Variants in ADAMTS6 observed in about 807,000 individuals in gnomAD.
The protein encoded by ADAMTS6 is A disintegrin and metalloproteinase with thrombospondin motifs 6.
In ADAMTS6, 23 loss-of-function variants were observed where a neutral mutation model predicts 144.3. That is an observed-to-expected ratio of 0.16 (90% CI 0.11 to 0.23). The LOEUF is 0.23. Ranked by LOEUF, ADAMTS6 falls within the 10% of genes least tolerant of loss-of-function variation. The pLI is 1.00. For missense variants in ADAMTS6, 999 were observed against 1,379.6 expected (o/e 0.72, Z 4.37); for synonymous variants, 444 against 457.5 (o/e 0.97, Z 0.38).
At position 65,452,749 on chromosome 5, in the gene ADAMTS6, G is replaced by A; in HGVS notation, c.801C>T (p.Gly267=). 1.9e-6 allele frequency: 3 copies of A among 1,614,068 alleles called. No homozygotes were observed. Among genetic ancestry groups the A allele is most frequent in the Non-Finnish European group, 1.7e-6 (2 of 1,179,958 alleles). The change falls in exon 5 of 25, where the codon GGC becomes GGT. Residue 267 remains glycine, a synonymous_variant. Coordinates refer to ENST00000381055, the MANE Select transcript of ADAMTS6 (RefSeq NM_197941.4). ...VADKMMVGYH[G]RKDIEHYILS... The stretch of plus-strand genomic sequence containing the variant: ...AAATGTAATGTTCAATGTCTTTGCG[G>A]CCATGGTAGCCCACCATCATTTTGT...
At chr5:65,465,033 G>T (rs1228193348) in intron 3 of ADAMTS6, among the ~76,000 whole-genome samples, 1 of 152,158 alleles carries the variant, frequency 6.6e-6, no homozygotes, top group Non-Finnish European at 1.5e-5. Flanking sequence ...ATTCAACTTT[G>T]CTGGGCCTGC....
intron 12 of ADAMTS6, among the ~76,000 whole-genome samples, chr5:65,273,138 A>G (rs545565905): frequency 2.0e-4 from 30 of 152,324 alleles, no homozygotes; most frequent in African/African-American, 6.7e-4. Flanking sequence ...ACTGACCTAA[A>G]ATAGACTTAC....
intron 7 of ADAMTS6, among the ~76,000 whole-genome samples, chr5:65,418,528 G>C (rs1755740911): frequency 1.3e-5 from 2 of 152,086 alleles, no homozygotes; most frequent in Non-Finnish European, 2.9e-5. Flanking sequence ...AATCTTCCAA[G>C]TACCCCATGT....
intron 18 of ADAMTS6, among the ~76,000 whole-genome samples, chr5:65,223,970 T>C (rs1423790099): frequency 5.3e-5 from 8 of 151,920 alleles, no homozygotes; most frequent in Admixed American, 2.0e-4. Flanking sequence ...CAGCTAATTT[T>C]TCTGTATTTT....
At chr5:65,186,299 TA>T (rs1376750049) in intron 22 of ADAMTS6, among the ~76,000 whole-genome samples, 17 of 152,306 alleles carry the variant, frequency 1.1e-4, no homozygotes, top group African/African-American at 4.1e-4. Context: ...CCATATTAAT[TA>T]TACATTTATA....
In ADAMTS6 at chr5:65,460,395, T is replaced by C. The variant is rs1036494768; in HGVS notation, c.463-57A>G. On this transcript the variant is annotated intron_variant, in intron 3 of 24. Transcript: ENST00000381055. ...AGAGAATCATTTTAAATATTAGTTATCATTATTACCAAGAGCTAAAAGTAA... is the reference window on the plus strand; with the variant it reads ...AGAGAATCATTTTAAATATTAGTTACCATTATTACCAAGAGCTAAAAGTAA... 3 of 1,462,590 alleles carry C rather than the reference T, an allele frequency of 2.1e-6. No homozygotes were observed. The African/African-American group carries it at 4.3e-5, about 21-fold the overall frequency. The allele number at this position is 1,462,590 out of a possible 1,614,324, so 90.6% of individuals were successfully genotyped here. A position where few individuals can be genotyped will look rare whatever the true frequency, so the allele number is the denominator to read the frequency against.
chr5:65,421,757 C>T (rs533457928), intron 7 of ADAMTS6, among the ~76,000 whole-genome samples: 18 of 152,140 alleles, frequency 1.2e-4, no homozygotes, highest in East Asian at 3.9e-4. Flanking sequence ...TGGATAGCCA[C>T]GTGTAGAAGA....
At chr5:65,424,349 TAAA>T (rs1756325365) in intron 7 of ADAMTS6, among the ~76,000 whole-genome samples, 1 of 152,202 alleles carries the variant, frequency 6.6e-6, no homozygotes, top group African/African-American at 2.4e-5. Flanking sequence ...AACTTATATA[TAAA>T]GATTAAGTGT....
chr5:65,319,743 AG>A (rs1561418727), intron 9 of ADAMTS6, among the ~76,000 whole-genome samples: 4 of 32,728 alleles, frequency 1.2e-4, no homozygotes, highest in African/African-American at 5.1e-4. Context: ...GAGGGAGGGA[AG>A]GAAGGAAGGA....
At chr5:65,280,811 T>C (rs142071301) in intron 11 of ADAMTS6, among the ~76,000 whole-genome samples, 2 of 152,318 alleles carry the variant, frequency 1.3e-5, no homozygotes, top group African/African-American at 4.8e-5. Flanking sequence ...AGAAAGTCAA[T>C]TTTATAAATG....
chr5:65,198,295 C>T (rs1466048816), intron 20 of ADAMTS6, among the ~76,000 whole-genome samples: 1 of 152,000 alleles, frequency 6.6e-6, no homozygotes, highest in Non-Finnish European at 1.5e-5. Context: ...TCACACCTAG[C>T]TAATCCCACA....
chr5:65,419,828 G>T (rs1242797487), intron 7 of ADAMTS6, among the ~76,000 whole-genome samples: 1 of 152,196 alleles, frequency 6.6e-6, no homozygotes, highest in Non-Finnish European at 1.5e-5. Flanking sequence ...GTTACCTAGG[G>T]CTGGAGAGAA....
At chr5:65,370,031 A>G (rs1750699207) in intron 7 of ADAMTS6, among the ~76,000 whole-genome samples, 3 of 152,174 alleles carry the variant, frequency 2.0e-5, no homozygotes, top group Admixed American at 6.5e-5. Context: ...TTACATGGAA[A>G]CCAAATGAAC....
chr5:65,388,547 A>G (rs1752659518), intron 7 of ADAMTS6, among the ~76,000 whole-genome samples: 1 of 152,196 alleles, frequency 6.6e-6, no homozygotes, highest in South Asian at 2.1e-4. Flanking sequence ...GCAAGTTACT[A>G]AATTTTCTAG....
intron 3 of ADAMTS6, among the ~76,000 whole-genome samples, chr5:65,465,627 C>G (rs1027876765): frequency 2.0e-5 from 3 of 152,208 alleles, no homozygotes; most frequent in Non-Finnish European, 4.4e-5. Context: ...TCTTCAAACT[C>G]TTCTTCACTG....
intron 1 of ADAMTS6, among the ~76,000 whole-genome samples, chr5:65,474,907 T>C (rs992891998): frequency 2.0e-5 from 3 of 152,010 alleles, no homozygotes; most frequent in African/African-American, 7.2e-5. Context: ...ACAGTTCCTA[T>C]TGTATGTATA....
chr5:65,222,280 A>G (rs1305851971), intron 18 of ADAMTS6, among the ~76,000 whole-genome samples: 1 of 152,204 alleles, frequency 6.6e-6, no homozygotes, highest in Non-Finnish European at 1.5e-5. Flanking sequence ...ACCTAGATCA[A>G]TGGGTGAGAA....
chr5:65,214,549 G>A lies in ADAMTS6; in HGVS notation c.2575+245C>T, dbSNP rs965755531. ...CACCTTCAAGATAGTCTTGGGAGAA[G>A]CACCAGCAGAGACACTCATTGTGCC... On this transcript the variant is annotated intron_variant, in intron 20 of 24. Coordinates refer to ENST00000381055, the MANE Select transcript of ADAMTS6 (RefSeq NM_197941.4). This position sits in a 1 kb window ranked among gnomAD's most constrained non-coding sequence, Gnocchi z 4.6. 5.4e-6 allele frequency: 3 copies of A among 556,450 alleles called. No homozygotes were observed. In the African/African-American group the frequency reaches 5.7e-5, roughly 10 times the overall value. The allele number at this position is 556,450 out of a possible 1,614,324, so 34.5% of individuals were successfully genotyped here.
At chr5:65,302,370 AAT>A (rs1336241845) in intron 9 of ADAMTS6, among the ~76,000 whole-genome samples, 3 of 146,430 alleles carry the variant, frequency 2.0e-5, no homozygotes, top group African/African-American at 7.5e-5. Context: ...GTTATATGTA[AAT>A]ATATATTATA....
Sources: gnomAD v4.1 joint callset for allele counts (sites outside exome capture counted in the v4.1 genomes callset) on GRCh38, gnomAD v4.1.1 for gene constraint, Gnocchi (gnomAD v3.1) non-coding constraint, MANE v1.5 for transcripts, NCBI Gene and HGNC (gene_info 2026-07-23, HGNC 2026-07-21) for gene names.